Variants in CDKL4 observed in about 807,000 individuals in gnomAD.
CDKL4 encodes the protein cyclin dependent kinase like 4, also known as cyclin-dependent kinase-like 4.
Under a neutral mutation model 42.0 loss-of-function variants are expected in CDKL4, and 44 were observed. That is an observed-to-expected ratio of 1.05 (90% CI 0.82 to 1.35). The LOEUF is 1.35. Among genes scored for constraint, CDKL4 ranks in the 40% most tolerant of loss-of-function variants. CDKL4 has a pLI of 0.00. For synonymous variants in CDKL4, 120 were observed against 121.6 expected (o/e 0.99, Z 0.09); for missense variants, 393 against 369.9 (o/e 1.06, Z -0.51).
intron 2 of CDKL4, among the ~76,000 whole-genome samples, chr2:39,226,467 A>ATATATATATTATATATATAT (rs1553393185): frequency 1.0e-5 from 1 of 96,908 alleles, no homozygotes; most frequent in Non-Finnish European, 2.7e-5. Flanking sequence ...TATATATATT[A>ATATATATATTATATATATAT]TATATATATA....
At chr2:39,226,827 C>T (rs1007954050) in intron 2 of CDKL4, among the ~76,000 whole-genome samples, 2 of 151,262 alleles carry the variant, frequency 1.3e-5, no homozygotes, top group South Asian at 2.1e-4. Flanking sequence ...AGTGCAGTGG[C>T]GCCATCTCGG....
intron 8 of CDKL4, among the ~76,000 whole-genome samples, chr2:39,183,143 G>A (rs1260617007): frequency 6.6e-6 from 1 of 152,130 alleles, no homozygotes; most frequent in East Asian, 1.9e-4. Context: ...AGTCTGGTGT[G>A]GTGGCGTGTG....
At chr2:39,239,638 T>C (rs1314660905) in intron 1 of CDKL4, among the ~76,000 whole-genome samples, 1 of 152,136 alleles carries the variant, frequency 6.6e-6, no homozygotes, top group Non-Finnish European at 1.5e-5. Flanking sequence ...TTAATTAAAA[T>C]TGCAATAAGA....
intron 5 of CDKL4, 45 bp from the exon 6 acceptor site, chr2:39,190,547 T>C (rs773774329): frequency 3.3e-6 from 5 of 1,536,194 alleles, no homozygotes; most frequent in Non-Finnish European, 4.5e-6. Context: ...TCTCCCAACA[T>C]GTGAACTGCT....
intron 4 of CDKL4, 86 bp from the exon 5 acceptor site, chr2:39,204,703 C>A: frequency 1.4e-6 from 1 of 704,080 alleles, no homozygotes; most frequent in Non-Finnish European, 2.4e-6. Flanking sequence ...AACAGATACA[C>A]AGCCTATGAG....
At chr2:39,196,500 G>A (rs761180128) in intron 5 of CDKL4, among the ~76,000 whole-genome samples, 1 of 152,132 alleles carries the variant, frequency 6.6e-6, no homozygotes, top group African/African-American at 2.4e-5. Flanking sequence ...GCACCCCATG[G>A]GACAAAAGAA....
At chr2:39,169,055 T>C in the CDKL4 span, among the ~76,000 whole-genome samples, 2 of 152,124 alleles carry the variant, frequency 1.3e-5, no homozygotes, top group Non-Finnish European at 2.9e-5. Flanking sequence ...GTGCCAGGCT[T>C]GAGTCCTTGC....
intron 2 of CDKL4, among the ~76,000 whole-genome samples, chr2:39,228,886 GT>G (rs1678922640): frequency 1.3e-5 from 2 of 152,266 alleles, no homozygotes; most frequent in African/African-American, 4.8e-5. Context: ...AAACCTTTAT[GT>G]AAAAAATGTG....
At chr2:39,185,186 A>G (rs1321730734) in intron 7 of CDKL4, among the ~76,000 whole-genome samples, 4 of 102,414 alleles carry the variant, frequency 3.9e-5, no homozygotes, top group Non-Finnish European at 7.8e-5. Flanking sequence ...ACATATGTGT[A>G]TATACATATA....
At chr2:39,224,467 G>A (rs1416737616) in intron 3 of CDKL4, among the ~76,000 whole-genome samples, 1 of 141,568 alleles carries the variant, frequency 7.1e-6, no homozygotes, top group Non-Finnish European at 1.6e-5. Flanking sequence ...TTTTGTTGTT[G>A]TTAATATTTG....
At chr2:39,173,513 C>T (rs1268029786), downstream of CDKL4, among the ~76,000 whole-genome samples, 2 of 151,322 alleles carry the variant, frequency 1.3e-5, no homozygotes, top group African/African-American at 2.4e-5. Flanking sequence ...CTTTTCTCTA[C>T]AAAAAATTAG....
exon 4 of CDKL4, chr2:39,213,448 G>C: frequency 1.9e-6 from 3 of 1,610,696 alleles, no homozygotes; most frequent in Non-Finnish European, 1.7e-6. Flanking sequence ...GCCATAATAC[G>C]CTTTTGATCA....
intron 1 of CDKL4, among the ~76,000 whole-genome samples, chr2:39,237,863 T>A (rs537089433): frequency 6.1e-4 from 93 of 152,296 alleles, no homozygotes; most frequent in African/African-American, 2.2e-3. Flanking sequence ...TGCAGTGAAG[T>A]AGGATACAAG....
At chr2:39,184,605 G>A in exon 8 of CDKL4, 1 of 1,611,506 alleles carries the variant, frequency 6.2e-7, no homozygotes, top group Non-Finnish European at 8.5e-7. Context: ...ATGAAGTTCA[G>A]AGCCACAGGA....
chr2:39,177,474 G>A (rs745528784), intron 9 of CDKL4, among the ~76,000 whole-genome samples: 22 of 148,322 alleles, frequency 1.5e-4, no homozygotes, highest in African/African-American at 5.0e-4. Flanking sequence ...GCACGATCTC[G>A]GCTCACTGCA....
chr2:39,204,431 A>G (rs1196625413), intron 5 of CDKL4, 96 bp downstream of exon 5: 1 of 762,120 alleles, frequency 1.3e-6, no homozygotes, highest in Non-Finnish European at 2.3e-6. Context: ...CAACAATACA[A>G]TATTTGGCAT....
At chr2:39,182,938 G>T (rs998857256) in intron 8 of CDKL4, among the ~76,000 whole-genome samples, 1 of 152,138 alleles carries the variant, frequency 6.6e-6, no homozygotes, top group Non-Finnish European at 1.5e-5. Flanking sequence ...GTTATGATTC[G>T]GTCCCATGGG....
At chr2:39,193,115 G>A (rs973157764) in intron 5 of CDKL4, among the ~76,000 whole-genome samples, 22 of 139,858 alleles carry the variant, frequency 1.6e-4, no homozygotes, top group African/African-American at 4.5e-4. Flanking sequence ...GCTACAGAGC[G>A]AGACTCCATC....
upstream of CDKL4, among the ~76,000 whole-genome samples, chr2:39,244,755 G>C (rs1457663810): frequency 6.6e-6 from 1 of 152,220 alleles, no homozygotes; most frequent in African/African-American, 2.4e-5. Context: ...TGGTGGGGAC[G>C]TGGAGAACAT....
Sources: gnomAD v4.1 joint callset for allele counts (sites outside exome capture counted in the v4.1 genomes callset) on GRCh38, gnomAD v4.1.1 for gene constraint, MANE v1.5 for transcripts, NCBI Gene and HGNC (gene_info 2026-07-23, HGNC 2026-07-21) for gene names.